The following HADH variants were observed in gnomAD, a reference collection of about 807,000 sequenced individuals.
The protein encoded by HADH is hydroxyacyl-coenzyme A dehydrogenase, mitochondrial.
HADH carries 24 observed loss-of-function variants against 32.2 expected under a neutral mutation model. The ratio of observed to expected loss-of-function variants is 0.75; its 90% CI spans 0.54 to 1.05. The LOEUF (loss-of-function observed/expected upper bound fraction) is 1.05. HADH is among the 50% of genes least tolerant of loss of function. The probability of loss-of-function intolerance (pLI) is 0.00; values close to 1 mark genes in which losing one functional copy is unlikely to be tolerated. For missense variants in HADH, 350 were observed against 397.1 expected (o/e 0.88, Z 1.01); for synonymous variants, 139 against 152.5 (o/e 0.91, Z 0.65).
chr4:108,006,612 A>G (rs918930772), intron 1 of HADH, among the ~76,000 whole-genome samples: 1 of 152,162 alleles, frequency 6.6e-6, no homozygotes, highest in African/African-American at 2.4e-5. Flanking sequence ...CCAGAGTTTG[A>G]TTCATTGGGT....
intron 3 of HADH, 24 bp downstream of exon 3, chr4:108,014,612 C>CTCT: frequency 1.8e-5 from 23 of 1,269,978 alleles, no homozygotes; most frequent in Non-Finnish European, 2.1e-5. Flanking sequence ...GGACAATCTT[C>CTCT]TTTTTTTTTT....
At chr4:108,011,045 C>T (rs1400462538) in intron 2 of HADH, among the ~76,000 whole-genome samples, 1 of 152,072 alleles carries the variant, frequency 6.6e-6, no homozygotes, top group Non-Finnish European at 1.5e-5. Context: ...GATGGGGTTT[C>T]ACCATGTTGG....
chr4:108,013,179 C>T (rs1449368584), intron 2 of HADH, among the ~76,000 whole-genome samples: 1 of 152,236 alleles, frequency 6.6e-6, no homozygotes, highest in Admixed American at 6.5e-5. Context: ...GATCCGCCTG[C>T]CTCGGCCTCC....
chr4:108,016,889 G>C (rs1735711569), intron 3 of HADH, among the ~76,000 whole-genome samples: 2 of 152,170 alleles, frequency 1.3e-5, no homozygotes, highest in Admixed American at 6.5e-5. Context: ...AGTTGTTTAG[G>C]AAACTCATTT....
At chr4:108,022,847 A>G (rs1735938328) in intron 4 of HADH, among the ~76,000 whole-genome samples, 1 of 152,168 alleles carries the variant, frequency 6.6e-6, no homozygotes, top group African/African-American at 2.4e-5. Context: ...CAAGAAACAT[A>G]CTCAGGGTCA....
chr4:107,994,997 G>T (rs1480335546), intron 1 of HADH, among the ~76,000 whole-genome samples: 1 of 152,064 alleles, frequency 6.6e-6, no homozygotes, highest in Non-Finnish European at 1.5e-5. Context: ...GCCATGTTCT[G>T]CCTCCAGCTT....
intron 1 of HADH, among the ~76,000 whole-genome samples, chr4:107,992,684 G>A (rs1734849050): frequency 1.3e-5 from 2 of 152,176 alleles, no homozygotes; most frequent in African/African-American, 4.8e-5. Context: ...GCTAGTACTG[G>A]CCTCGTAGGG....
chr4:107,990,030 T>C lies in HADH; in HGVS notation c.98T>C (p.Ile33Thr), dbSNP rs1578237938. The C allele has an allele frequency of 3.1e-6, 5 of 1,611,660 alleles. No homozygotes were observed. In the East Asian group the frequency reaches 1.1e-4, roughly 36 times the overall value. Residue 33 changes from isoleucine to threonine, a missense_variant, in exon 1 of 8, where the codon ATC becomes ACC. By Grantham distance (89) the Ile-to-Thr change is moderately conservative. Coordinates refer to ENST00000309522, the MANE Select transcript of HADH (RefSeq NM_005327.7). ...KKIIVKHVTV[I>T]GGGLMGAGIA... ...ATAATCGTCAAGCACGTGACGGTCA[T>C]CGGCGGCGGGCTGATGGGCGCCGGC...
chr4:108,025,511 G>T (rs1276569313), intron 5 of HADH: 1 of 152,168 alleles, frequency 6.6e-6, no homozygotes, highest in African/African-American at 2.4e-5. Context: ...CTGGCACACA[G>T]TAAGTACAGT....
intron 1 of HADH, among the ~76,000 whole-genome samples, chr4:108,003,353 C>A (rs1735179562): frequency 6.6e-6 from 1 of 152,046 alleles, no homozygotes; most frequent in Non-Finnish European, 1.5e-5. Context: ...AACCTTTAAT[C>A]CCATTCATGA....
chr4:108,033,097 G>A, intron 6 of HADH, 79 bp from the exon 7 acceptor site: 2 of 804,922 alleles, frequency 2.5e-6, no homozygotes, highest in Non-Finnish European at 4.5e-6. Flanking sequence ...TAAAATTCTA[G>A]TAATTCTGGG....
intron 3 of HADH, among the ~76,000 whole-genome samples, chr4:108,016,072 A>G (rs1469295542): frequency 6.6e-6 from 1 of 152,112 alleles, no homozygotes; most frequent in Non-Finnish European, 1.5e-5. Context: ...TGGGAGTGTT[A>G]AAGGAGCATT....
chr4:108,033,290 A>T lies in HADH; in HGVS notation c.824A>T (p.Asp275Val). The change falls in exon 7 of 8, where the codon GAT becomes GTT. Residue 275 changes from aspartate to valine, a missense_variant and splice_region_variant. By Grantham distance (152) the Asp-to-Val change is radical (BLOSUM62 -3). Coordinates refer to ENST00000309522, the MANE Select transcript of HADH (RefSeq NM_005327.7). The part of the protein sequence containing the change: ...VGLDTTKFIV[D>V]GWHEMDAENP... Reference sequence around the variant, plus strand: ...CTGGATACTACGAAGTTCATCGTGGATGGTAGGAATTGGAATTTTTTGTTG... The same window carrying T: ...CTGGATACTACGAAGTTCATCGTGGTTGGTAGGAATTGGAATTTTTTGTTG... 3 of 1,458,018 alleles carry T rather than the reference A, an allele frequency of 2.1e-6. No homozygotes were observed. The highest frequency in any genetic ancestry group is 2.9e-6 in the Non-Finnish European group (3 of 1,037,512). 90.3% of individuals were successfully genotyped at this position (1,458,018 alleles called of 1,614,324 possible).
chr4:108,014,627 TAACCTTA>T, intron 3 of HADH, 39 bp downstream of exon 3: 3 of 1,498,914 alleles, frequency 2.0e-6, no homozygotes, highest in Non-Finnish European at 2.8e-6. Context: ...TTTTTTTTTT[TAACCTTA>T]TTTTTGTTTT....
At chr4:108,008,834 A>G (rs1407806882) in intron 1 of HADH, among the ~76,000 whole-genome samples, 1 of 152,084 alleles carries the variant, frequency 6.6e-6, no homozygotes, top group Non-Finnish European at 1.5e-5. Context: ...ATTCACTTAC[A>G]CGTGCCTATA....
rs772459334 is a variant in HADH, at chr4:108,034,224, C to T, written c.827-15C>T. ...CCAGCACTTCATCCTGAGTTCTCTT[C>T]CCTCCGCTCAATAGGGTGGCATGAA... On this transcript the variant is annotated splice_polypyrimidine_tract_variant and intron_variant, in intron 7 of 7. Transcript: ENST00000309522. The T allele has an allele frequency of 6.7e-7, 1 of 1,496,224 alleles. No individual in the cohort carries two copies. Among genetic ancestry groups the T allele is most frequent in the Non-Finnish European group, 9.3e-7 (1 of 1,072,510 alleles). 92.7% of individuals were successfully genotyped at this position (1,496,224 alleles called of 1,614,324 possible).
intron 2 of HADH, 120 bp from the exon 3 acceptor site, chr4:108,014,311 A>C: frequency 5.0e-6 from 5 of 1,008,376 alleles, no homozygotes; most frequent in Non-Finnish European, 6.3e-6. Context: ...GAGAACAGAT[A>C]GGGTAGGCCA....
At chr4:108,012,542 TA>T (rs1938305108) in intron 2 of HADH, among the ~76,000 whole-genome samples, 2 of 152,168 alleles carry the variant, frequency 1.3e-5, no homozygotes, top group Non-Finnish European at 2.9e-5. Context: ...CATTCAAATG[TA>T]TTTGTCTTGA....
At chr4:108,000,428 C>T (rs186065612) in intron 1 of HADH, among the ~76,000 whole-genome samples, 144 of 152,254 alleles carry the variant, frequency 9.5e-4, no homozygotes, top group Middle Eastern at 3.4e-3. Context: ...ATTCTGAAAT[C>T]GGTGAGATTC....
Sources: allele counts gnomAD v4.1 joint callset (sites outside exome capture counted in the v4.1 genomes callset), GRCh38; gene constraint gnomAD v4.1.1; transcripts MANE v1.5; gene names NCBI Gene and HGNC (gene_info 2026-07-23, HGNC 2026-07-21).